Variants in PRKN observed in about 807,000 individuals in gnomAD.
PRKN encodes the protein parkin RBR E3 ubiquitin protein ligase.
In PRKN, 56 loss-of-function variants were observed where a neutral mutation model predicts 59.5. That is an observed-to-expected ratio of 0.94 (90% CI 0.76 to 1.18). PRKN has a LOEUF of 1.18. Among genes scored for constraint, PRKN ranks in the 50% most tolerant of loss-of-function variants. PRKN has a pLI of 0.00. For synonymous variants in PRKN, 250 were observed against 222.1 expected (o/e 1.13, Z -1.12); for missense variants, 657 against 596.4 (o/e 1.10, Z -1.06).
At chr6:162,548,204 T>C (rs959648035) in intron 1 of PRKN, among the ~76,000 whole-genome samples, 1 of 151,972 alleles carries the variant, frequency 6.6e-6, no homozygotes, top group Non-Finnish European at 1.5e-5. Flanking sequence ...GGACTACAGG[T>C]GCACGCCACT....
At chr6:162,678,810 C>T (rs901047344) in intron 1 of PRKN, among the ~76,000 whole-genome samples, 7 of 152,068 alleles carry the variant, frequency 4.6e-5, no homozygotes, top group East Asian at 3.9e-4. Context: ...AGTCTCTCTC[C>T]GTCACCCAGG....
intron 4 of PRKN, among the ~76,000 whole-genome samples, chr6:162,133,655 A>T (rs1404786473): frequency 1.3e-5 from 2 of 152,200 alleles, no homozygotes; most frequent in African/African-American, 4.8e-5. Flanking sequence ...AGGTATAATA[A>T]TAGAGAAGAG....
At chr6:161,651,555 A>G (rs557900668) in intron 7 of PRKN, among the ~76,000 whole-genome samples, 160 of 152,318 alleles carry the variant, frequency 1.1e-3, no homozygotes, top group Non-Finnish European at 1.8e-3. Flanking sequence ...ATACTTACCA[A>G]GTGTTTCTCA....
intron 4 of PRKN, among the ~76,000 whole-genome samples, chr6:162,087,714 C>T (rs1216719438): frequency 6.6e-6 from 1 of 151,402 alleles, no homozygotes; most frequent in Non-Finnish European, 1.5e-5. Flanking sequence ...CTGCCTCAGC[C>T]TCCTGAGTAG....
chr6:161,464,171 C>T (rs756258892), intron 9 of PRKN, among the ~76,000 whole-genome samples: 2 of 152,124 alleles, frequency 1.3e-5, no homozygotes, highest in South Asian at 2.1e-4. Flanking sequence ...TGTACCACCA[C>T]GTCCAGCTAA....
At chr6:161,919,845 A>G (rs552669131) in intron 6 of PRKN, among the ~76,000 whole-genome samples, 7 of 152,368 alleles carry the variant, frequency 4.6e-5, no homozygotes, top group African/African-American at 1.4e-4. Flanking sequence ...GGACACAGGT[A>G]AAGTTGAAAA....
chr6:161,499,904 A>G lies in PRKN; in HGVS notation c.1083+48950T>C, dbSNP rs1777894284. 6.6e-6 allele frequency among the ~76,000 whole-genome samples: 1 copy of G among 152,202 alleles called. No individual in the cohort carries two copies. The highest frequency in any genetic ancestry group is 2.4e-5 in the African/African-American group (1 of 41,444). Reference sequence around the variant, plus strand: ...AGGAATAATACAATGAATTATTTGAAACCGCAGCTGTTCCCAAGATTACAG... The same window carrying G: ...AGGAATAATACAATGAATTATTTGAGACCGCAGCTGTTCCCAAGATTACAG... On this transcript the variant is annotated intron_variant, in intron 9 of 11. Coordinates refer to ENST00000366898, the MANE Select transcript of PRKN (RefSeq NM_004562.3). The surrounding 1 kb of genome is among the most constrained non-coding windows in gnomAD (Gnocchi z 4.2).
chr6:161,373,328 G>A lies in PRKN; in HGVS notation c.1168-13123C>T, dbSNP rs1219581571. Among the ~76,000 whole-genome samples the A allele has an allele frequency of 6.6e-6, 1 of 152,094 alleles. No homozygotes were observed. The highest frequency in any genetic ancestry group is 1.9e-4 in the East Asian group (1 of 5,160). On this transcript the variant is annotated intron_variant, in intron 10 of 11. Transcript: ENST00000366898. The surrounding 1 kb of genome is among the most constrained non-coding windows in gnomAD (Gnocchi z 4.8). The stretch of plus-strand genomic sequence containing the variant: ...TGTGTGGCCCAGCTACATTGACACA[G>A]AAAATTACCCATCACAGCTAGGCTG...
chr6:162,361,965 C>T (rs1365034113), intron 2 of PRKN, among the ~76,000 whole-genome samples: 1 of 152,114 alleles, frequency 6.6e-6, no homozygotes, highest in African/African-American at 2.4e-5. Context: ...AGAAGGAAGG[C>T]ATGCATATGA....
At chr6:161,430,844 A>G (rs113752411) in intron 9 of PRKN, among the ~76,000 whole-genome samples, 8,567 of 138,358 alleles carry the variant, frequency 0.062, 344 homozygotes, top group Middle Eastern at 0.13. Flanking sequence ...AAAAAGAAAT[A>G]CTGAATGCTG....
intron 5 of PRKN, among the ~76,000 whole-genome samples, chr6:161,974,766 G>A (rs892143821): frequency 2.0e-5 from 3 of 152,128 alleles, no homozygotes; most frequent in Non-Finnish European, 4.4e-5. Flanking sequence ...CCTGAAATGT[G>A]GGAAGGATTT....
At position 162,708,825 on chromosome 6, in the gene PRKN, C is replaced by T. The variant is rs964487088; in HGVS notation, c.7+18837G>A. Among the ~76,000 whole-genome samples the T allele has an allele frequency of 3.3e-5, 5 of 152,128 alleles. No homozygotes were observed. In the East Asian group the frequency reaches 7.8e-4, roughly 24 times the overall value. ...TATCTTACTGCAGGGGCCCCCAAGC[C>T]GCAGGCCATAGGGGTCCGTGGCCTG... On this transcript the variant is annotated intron_variant, in intron 1 of 11. Coordinates refer to ENST00000366898, the MANE Select transcript of PRKN (RefSeq NM_004562.3).
At position 162,509,435 on chromosome 6, in the gene PRKN, C is replaced by A. The variant is rs145821950; in HGVS notation, c.8-65962G>T. Among the ~76,000 whole-genome samples the A allele has an allele frequency of 1.7e-3, 256 of 152,112 alleles. 2 individuals are homozygous for A. Among genetic ancestry groups the A allele is most frequent in the African/African-American group, 5.6e-3 (234 of 41,492 alleles). On this transcript the variant is annotated intron_variant, in intron 1 of 11. Transcript: ENST00000366898. ...ATTCCCTGAATATTTAAATGAAAAG[C>A]CTCAACAAAAAGAGGATTTGAAAAA...
chr6:161,610,477 T>C (rs1294220988), intron 7 of PRKN, among the ~76,000 whole-genome samples: 1 of 145,724 alleles, frequency 6.9e-6, no homozygotes. Flanking sequence ...GAAAAATGTA[T>C]ATGTATATTA....
intron 4 of PRKN, among the ~76,000 whole-genome samples, chr6:162,182,406 A>C (rs1310756352): frequency 6.6e-6 from 1 of 152,224 alleles, no homozygotes; most frequent in Non-Finnish European, 1.5e-5. Flanking sequence ...GCCTGAGGAC[A>C]AGTGGCACTA....
chr6:161,639,123 C>T (rs1002814019), intron 7 of PRKN, among the ~76,000 whole-genome samples: 18 of 152,156 alleles, frequency 1.2e-4, no homozygotes, highest in African/African-American at 2.9e-4. Flanking sequence ...CTTTCCCTTC[C>T]GCCATAAGTG....
At chr6:162,530,997 C>A (rs1359739416) in intron 1 of PRKN, among the ~76,000 whole-genome samples, 1 of 136,122 alleles carries the variant, frequency 7.3e-6, no homozygotes, top group Non-Finnish European at 1.5e-5. Context: ...GCGGAGATTG[C>A]AGTAAACCAA....
intron 2 of PRKN, among the ~76,000 whole-genome samples, chr6:162,368,902 T>C (rs1785599833): frequency 6.6e-6 from 1 of 152,200 alleles, no homozygotes; most frequent in Non-Finnish European, 1.5e-5. Flanking sequence ...CTAGTTCTCT[T>C]AGCTGTCAGC....
At position 161,472,833 on chromosome 6, in the gene PRKN, C is replaced by T. The variant is rs138383930; in HGVS notation, c.1083+76021G>A. Among the ~76,000 whole-genome samples the T allele has an allele frequency of 3.1e-3, 475 of 152,196 alleles. 2 individuals are homozygous for T. The highest frequency in any genetic ancestry group is 0.011 in the African/African-American group (442 of 41,526). ...AACCCCAAATAACCTGATTAAAAAACGGACAAAGAGCCTGAATAGACATTT... is the reference window on the plus strand; with the variant it reads ...AACCCCAAATAACCTGATTAAAAAATGGACAAAGAGCCTGAATAGACATTT... On this transcript the variant is annotated intron_variant, in intron 9 of 11. Coordinates refer to ENST00000366898, the MANE Select transcript of PRKN (RefSeq NM_004562.3).
Sources: allele counts gnomAD v4.1 joint callset (sites outside exome capture counted in the v4.1 genomes callset), GRCh38; gene constraint gnomAD v4.1.1; non-coding constraint Gnocchi (gnomAD v3.1); transcripts MANE v1.5; gene names NCBI Gene and HGNC (gene_info 2026-07-23, HGNC 2026-07-21).